MT1G: variants seen among roughly 807,000 people sequenced by gnomAD.
The protein encoded by MT1G is metallothionein 1G.
A neutral mutation model predicts 9.1 loss-of-function variants in MT1G; 8 were observed. The observed-to-expected ratio is 0.87, with a 90% CI of 0.51 to 1.58. MT1G has a LOEUF of 1.58. Among genes scored for constraint, MT1G ranks in the 40% most tolerant of loss-of-function variants. MT1G has a pLI of 0.00. For missense variants in MT1G, 79 were observed against 77.3 expected (o/e 1.02, Z -0.08); for synonymous variants, 31 against 28.4 (o/e 1.09, Z -0.29).
intron 2 of MT1G, 153 bp from the exon 3 acceptor site, chr16:56,667,123 G>C (rs1960791679): frequency 6.4e-7 from 1 of 1,550,576 alleles, no homozygotes; most frequent in Non-Finnish European, 8.8e-7. Context: ...ACATTGGAAT[G>C]GGTCTTCCTT....
Position 56,667,960 on chromosome 16 carries a change from C to T in MT1G, c.28+6G>A, listed in dbSNP as rs1389052921. The T allele has an allele frequency of 4.3e-6, 7 of 1,613,832 alleles. No individual in the cohort carries two copies. In the African/African-American group the frequency reaches 9.3e-5, roughly 22 times the overall value. ...TCCCAAGGCACAGAACCCGGGCGTCCCTTACCAGCGGCACAGGAGCAGTTG... is the reference window on the plus strand; with the variant it reads ...TCCCAAGGCACAGAACCCGGGCGTCTCTTACCAGCGGCACAGGAGCAGTTG... On this transcript the variant is annotated splice_donor_region_variant and intron_variant, in intron 1 of 2. Transcript: ENST00000379811.
Position 56,667,365 on chromosome 16 carries a change from G to T in MT1G, c.44C>A (p.Thr15Asn), listed in dbSNP as rs201016290. 1.7e-5 allele frequency: 28 copies of T among 1,614,252 alleles called. No individual in the cohort carries two copies. The African/African-American group carries it at 3.7e-4, about 22-fold the overall frequency. The change falls in exon 2 of 3, where the codon ACC (threonine) becomes AAC (asparagine). Residue 15 changes from threonine (T) to asparagine (N), a missense_variant. Physicochemically the swap from Thr to Asn is moderately conservative, Grantham distance 65. Coordinates refer to ENST00000379811, the MANE Select transcript of MT1G (RefSeq NM_001301267.2). ...TTTGCACTTGCAGGAGCTGGCGCAG[G>T]TGCAGGAGACACCTGCTAGAAGAGA... ...CSCAAAGVSC[T>N]CASSCKCKEC... is the part of the protein sequence containing the mutation.
At position 56,667,325 on chromosome 16, in the gene MT1G, G is replaced by A. The variant is rs1275264360; in HGVS notation, c.84C>T (p.Thr28=). 1 of 1,614,248 alleles carries A rather than the reference G, an allele frequency of 6.2e-7. No homozygotes were observed. Among genetic ancestry groups the A allele is most frequent in the South Asian group, 1.1e-5 (1 of 91,090 alleles). Residue 28 remains threonine (T), a synonymous_variant, in exon 2 of 3, where the codon ACC becomes ACT. Coordinates refer to ENST00000379811, the MANE Select transcript of MT1G (RefSeq NM_001301267.2). ...CCCCGCACTCACTCTTCTTGCAGGA[G>A]GTGCATTTGCACTCTTTGCACTTGC... ...SSCKCKECKC[T]SCKKSCCSCC...
At position 56,667,341 on chromosome 16, in the gene MT1G, T is replaced by G; in HGVS notation, c.68A>C (p.Lys23Thr). The change falls in exon 2 of 3, where the codon AAA (lysine) becomes ACA (threonine). Residue 23 changes from lysine to threonine, a missense_variant. Lys to Thr is a moderately conservative substitution (Grantham distance 78). Transcript: ENST00000379811. ...SCTCASSCKC[K>T]ECKCTSCKKS... ...CTTGCAGGAGGTGCATTTGCACTCT[T>G]TGCACTTGCAGGAGCTGGCGCAGGT... 1 of 1,614,238 alleles carries G rather than the reference T, an allele frequency of 6.2e-7. No homozygotes were observed. The highest frequency in any genetic ancestry group is 8.5e-7 in the Non-Finnish European group (1 of 1,180,036).
Position 56,666,905 on chromosome 16 carries a change from A to G in MT1G, c.163T>C (p.Ser55Pro). 2 of 1,614,250 alleles carry G rather than the reference A, an allele frequency of 1.2e-6. No individual in the cohort carries two copies. The highest frequency in any genetic ancestry group is 1.7e-6 in the Non-Finnish European group (2 of 1,180,046). ...CAQGCICKGA[S>P]EKCSCCA Reference sequence around the variant, plus strand: ...CAGGCGCAGCAGCTGCACTTCTCCGATGCCCCTTTGCAGATGCAGCCCTGG... The same window carrying G: ...CAGGCGCAGCAGCTGCACTTCTCCGGTGCCCCTTTGCAGATGCAGCCCTGG... Residue 55 changes from serine to proline, a missense_variant, in exon 3 of 3, where the codon TCG (serine) becomes CCG (proline). Coordinates refer to ENST00000379811, the MANE Select transcript of MT1G (RefSeq NM_001301267.2).
At chr16:56,667,454 C>T in intron 1 of MT1G, 74 bp from the exon 2 acceptor site, 1 of 1,595,794 alleles carries the variant, frequency 6.3e-7, no homozygotes, top group South Asian at 1.1e-5. Flanking sequence ...GTGTCCACTT[C>T]CCCCTTCTCT....
At chr16:56,667,943 C>A (rs1208544837) in intron 1 of MT1G, 23 bp downstream of exon 1, 3 of 1,613,768 alleles carry the variant, frequency 1.9e-6, no homozygotes, top group Non-Finnish European at 2.5e-6. Context: ...CATCCCAAGG[C>A]ACAGAACCCG....
chr16:56,667,246 A>C (rs545949769), intron 2 of MT1G, 66 bp downstream of exon 2: 19 of 1,613,592 alleles, frequency 1.2e-5, no homozygotes, highest in South Asian at 7.7e-5. Flanking sequence ...GCACTCAGGG[A>C]CAGCCTTGGG....
At chr16:56,667,097 A>T (rs1960791199) in intron 2 of MT1G, 127 bp from the exon 3 acceptor site, 1 of 1,569,176 alleles carries the variant, frequency 6.4e-7, no homozygotes, top group Non-Finnish European at 8.7e-7. Flanking sequence ...GGTTTTTGTC[A>T]GGAGACAACT....
At position 56,668,047 on chromosome 16, in the gene MT1G, T is replaced by C. The variant is rs1344178769; in HGVS notation, c.-54A>G. ...AAGCGAGAAGGGAAGAGGCAGTGGG[T>C]GCACGTGGAAGGCGGAGTGGAGCCC... On this transcript the variant is annotated 5_prime_UTR_variant, in exon 1 of 3. Coordinates refer to ENST00000379811, the MANE Select transcript of MT1G (RefSeq NM_001301267.2). The C allele has an allele frequency of 1.9e-6, 3 of 1,598,234 alleles. No individual in the cohort carries two copies. Among genetic ancestry groups the C allele is most frequent in the Non-Finnish European group, 2.6e-6 (3 of 1,166,574 alleles).
rs1215254095 is a variant in MT1G, at chr16:56,666,843, A to G, written c.*36T>C. ...CAAAAAATCCTGGATTTTACGGGTC[A>G]CTCTATTTGTACTTGGGAGCAGGGC... is the stretch of plus-strand genomic sequence containing the variant. On this transcript the variant is annotated 3_prime_UTR_variant, in exon 3 of 3. Coordinates refer to ENST00000379811, the MANE Select transcript of MT1G (RefSeq NM_001301267.2). 6.2e-7 allele frequency: 1 copy of G among 1,601,526 alleles called. No homozygotes were observed. The highest frequency in any genetic ancestry group is 1.3e-5 in the African/African-American group (1 of 74,278).
chr16:56,667,166 GAA>G (rs1483603894), intron 2 of MT1G, 144 bp downstream of exon 2: 1 of 1,556,110 alleles, frequency 6.4e-7, no homozygotes, highest in Non-Finnish European at 8.8e-7. Context: ...ATAAGCCCTG[GAA>G]AGTGCAGAAG....
In MT1G at chr16:56,667,849, A is replaced by C. The variant is rs562165635; in HGVS notation, c.28+117T>G. Reference sequence around the variant, plus strand: ...TTGGCCAACAGGAAAGCACTGGACCAATAAAGGAGTCCCCTTTACCTCTGA... The same window carrying C: ...TTGGCCAACAGGAAAGCACTGGACCCATAAAGGAGTCCCCTTTACCTCTGA... On this transcript the variant is annotated intron_variant, in intron 1 of 2. Transcript: ENST00000379811. The C allele has an allele frequency of 1.2e-5, 14 of 1,211,524 alleles. No homozygotes were observed. In the Admixed American group the frequency reaches 2.2e-4, roughly 19 times the overall value. 75.0% of individuals were successfully genotyped at this position (1,211,524 alleles called of 1,614,324 possible).
Position 56,668,040 on chromosome 16 carries a change from C to A in MT1G, c.-47G>T, listed in dbSNP as rs774720147. ...AGTTCCCAAGCGAGAAGGGAAGAGG[C>A]AGTGGGTGCACGTGGAAGGCGGAGT... On this transcript the variant is annotated 5_prime_UTR_variant, in exon 1 of 3. Coordinates refer to ENST00000379811, the MANE Select transcript of MT1G (RefSeq NM_001301267.2). 5.0e-6 allele frequency: 8 copies of A among 1,604,700 alleles called. No individual in the cohort carries two copies. In the East Asian group the frequency reaches 1.3e-4, roughly 27 times the overall value.
In MT1G at chr16:56,666,810, G is replaced by T. The variant is rs12315; in HGVS notation, c.*69C>A. ...ATGTAGCAAAGGGGTCAAGATTGTA[G>T]CAAAAAACAAAAAATCCTGGATTTT... On this transcript the variant is annotated 3_prime_UTR_variant, in exon 3 of 3. Transcript: ENST00000379811. 0.076 allele frequency: 119,921 copies of T among 1,584,032 alleles called. 6,045 individuals are homozygous for T. Among genetic ancestry groups the T allele is most frequent in the East Asian group, 0.22 (9,714 of 44,586 alleles).
At chr16:56,667,709 G>A (rs561155884) in intron 1 of MT1G, among the ~76,000 whole-genome samples, 3 of 152,148 alleles carry the variant, frequency 2.0e-5, no homozygotes, top group South Asian at 4.1e-4. Context: ...AGAGAATTGG[G>A]GCTCAGCCAG....
At chr16:56,667,078 T>G in intron 2 of MT1G, 108 bp from the exon 3 acceptor site, 2 of 1,585,876 alleles carry the variant, frequency 1.3e-6, no homozygotes, top group Middle Eastern at 1.7e-4. Flanking sequence ...CCTTAGTTCA[T>G]GATGGCATGG....
Position 56,667,971 on chromosome 16 carries a change from G to GC in MT1G, c.22dup (p.Ala8GlyfsTer69). ...AGAACCCGGGCGTCCCTTACCAGCG[G>GC]CACAGGAGCAGTTGGGGTCCATTGC... On this transcript the variant is annotated frameshift_variant, in exon 1 of 3. Transcript: ENST00000379811. LOFTEE classifies it high-confidence loss of function. The GC allele has an allele frequency of 6.2e-7, 1 of 1,613,890 alleles. No individual in the cohort carries two copies. Among genetic ancestry groups the GC allele is most frequent in the Non-Finnish European group, 8.5e-7 (1 of 1,179,846 alleles).
chr16:56,666,912 T>G lies in MT1G; in HGVS notation c.156A>C (p.Lys52Asn). The G allele has an allele frequency of 3.1e-6, 5 of 1,614,214 alleles. No homozygotes were observed. Among genetic ancestry groups the G allele is most frequent in the Non-Finnish European group, 4.2e-6 (5 of 1,180,042 alleles). Residue 52 changes from lysine to asparagine, a missense_variant, in exon 3 of 3, where the codon AAA becomes AAC. Physicochemically the swap from Lys to Asn is moderately conservative, Grantham distance 94. Coordinates refer to ENST00000379811, the MANE Select transcript of MT1G (RefSeq NM_001301267.2). Reference protein sequence around the residue: ...CAKCAQGCICKGASEKCSCCA With the variant: ...CAKCAQGCICNGASEKCSCCA ...AGCAGCTGCACTTCTCCGATGCCCC[T>G]TTGCAGATGCAGCCCTGGGCACACT...
Sources: gnomAD v4.1 joint callset for allele counts (sites outside exome capture counted in the v4.1 genomes callset) on GRCh38, gnomAD v4.1.1 for gene constraint, MANE v1.5 for transcripts, NCBI Gene and HGNC (gene_info 2026-07-23, HGNC 2026-07-21) for gene names.